Variants in NFIB observed in about 807,000 individuals in gnomAD.
NFIB encodes the protein nuclear factor I B, also known as nuclear factor 1 B-type.
Under a neutral mutation model 61.5 loss-of-function variants are expected in NFIB, and 11 were observed. That is an observed-to-expected ratio of 0.18 (90% CI 0.11 to 0.30). The LOEUF is 0.30. NFIB is among the 10% of genes least tolerant of loss of function. The pLI is 1.00. For synonymous variants in NFIB, 260 were observed against 216.5 expected, an observed-to-expected ratio of 1.20 and a Z score of -1.76; for missense variants, 471 against 608.9, an observed-to-expected ratio of 0.77 and a Z score of 2.38.
chr9:14,449,106 C>T, the NFIB span, among the ~76,000 whole-genome samples: 1 of 152,074 alleles, frequency 6.6e-6, no homozygotes, highest in Non-Finnish European at 1.5e-5. Context: ...ATTCCCAGAC[C>T]TTAAAGGGCA....
intron 1 of NFIB, among the ~76,000 whole-genome samples, chr9:14,334,332 A>C (rs988182729): frequency 3.3e-5 from 5 of 152,222 alleles, no homozygotes; most frequent in Non-Finnish European, 7.3e-5. Flanking sequence ...TACTCCCACC[A>C]GCAGTATATC....
intron 2 of NFIB, among the ~76,000 whole-genome samples, chr9:14,192,422 C>A (rs1237001493): frequency 6.6e-6 from 1 of 152,128 alleles, no homozygotes; most frequent in South Asian, 2.1e-4. Context: ...TCTCATCCCT[C>A]CACCCACCCC....
chr9:14,238,565 A>C (rs973097689), intron 2 of NFIB, among the ~76,000 whole-genome samples: 1 of 152,200 alleles, frequency 6.6e-6, no homozygotes, highest in South Asian at 2.1e-4. Flanking sequence ...CAAAGAAGTT[A>C]CAGAACAGCA....
At chr9:14,158,166 G>A (rs1288773197) in intron 3 of NFIB, among the ~76,000 whole-genome samples, 2 of 150,568 alleles carry the variant, frequency 1.3e-5, no homozygotes, top group Non-Finnish European at 3.0e-5. Context: ...CCTTTATCAT[G>A]ACTACAGCTC....
At chr9:14,526,315 C>T in the NFIB span, among the ~76,000 whole-genome samples, 2 of 152,162 alleles carry the variant, frequency 1.3e-5, no homozygotes, top group Admixed American at 1.3e-4. Flanking sequence ...TATGTTAAAT[C>T]TGTTCCATTT....
chr9:14,485,834 C>T, the NFIB span, among the ~76,000 whole-genome samples: 1 of 152,026 alleles, frequency 6.6e-6, no homozygotes, highest in Non-Finnish European at 1.5e-5. Flanking sequence ...GAGATCATGC[C>T]ACTGCACTCC....
the NFIB span, among the ~76,000 whole-genome samples, chr9:14,432,419 C>G: frequency 2.6e-5 from 4 of 152,246 alleles, no homozygotes; most frequent in Non-Finnish European, 5.9e-5. Context: ...ATGGTTCTCT[C>G]TAAATCAGTA....
At position 14,120,040 on chromosome 9, in the gene NFIB, C is replaced by A. The variant is rs2038722801; in HGVS notation, c.1245+400G>T. 6.6e-6 allele frequency among the ~76,000 whole-genome samples: 1 copy of A among 152,184 alleles called. No individual in the cohort carries two copies. The highest frequency in any genetic ancestry group is 1.5e-5 in the Non-Finnish European group (1 of 68,024). ...ATACCTAATAGTTGGTCTATAAATA[C>A]AACTGTAAGTTCTTTTGTGTGTGTT... On this transcript the variant is annotated intron_variant, in intron 8 of 10. Coordinates refer to ENST00000380953, the MANE Select transcript of NFIB (RefSeq NM_001190737.2). This position sits in a 1 kb window ranked among gnomAD's most constrained non-coding sequence, Gnocchi z 4.4.
chr9:14,436,729 A>G, the NFIB span, among the ~76,000 whole-genome samples: 1 of 152,192 alleles, frequency 6.6e-6, no homozygotes, highest in Non-Finnish European at 1.5e-5. Flanking sequence ...TGCTATATCA[A>G]TAGTGACATT....
intron 2 of NFIB, among the ~76,000 whole-genome samples, chr9:14,248,781 T>C (rs570121494): frequency 5.9e-5 from 9 of 152,308 alleles, no homozygotes; most frequent in African/African-American, 1.9e-4. Flanking sequence ...CAGGAACGTC[T>C]GCAGGGACTA....
chr9:14,395,699 C>T (rs1437729674), intron 1 of NFIB, among the ~76,000 whole-genome samples: 1 of 151,048 alleles, frequency 6.6e-6, no homozygotes, highest in Non-Finnish European at 1.5e-5. Context: ...CCTCATCCCT[C>T]CTCATCCCCC....
At chr9:14,143,582 G>A (rs2041978435) in intron 6 of NFIB, among the ~76,000 whole-genome samples, 1 of 152,068 alleles carries the variant, frequency 6.6e-6, no homozygotes, top group Non-Finnish European at 1.5e-5. Flanking sequence ...TAAATTTTAA[G>A]GATTTCTGCC....
chr9:14,312,926 C>T (rs1588280271), intron 1 of NFIB, among the ~76,000 whole-genome samples: 1 of 152,164 alleles, frequency 6.6e-6, no homozygotes, highest in Non-Finnish European at 1.5e-5. Flanking sequence ...GGTTTCAGAT[C>T]CCCAAATAAA....
chr9:14,277,804 T>C (rs1009025482), intron 2 of NFIB, among the ~76,000 whole-genome samples: 1 of 152,214 alleles, frequency 6.6e-6, no homozygotes, highest in African/African-American at 2.4e-5. Flanking sequence ...GAGTTCCCCA[T>C]TGTACTTGAA....
chr9:14,218,919 T>C (rs1039335724), intron 2 of NFIB, among the ~76,000 whole-genome samples: 2 of 152,188 alleles, frequency 1.3e-5, no homozygotes, highest in African/African-American at 2.4e-5. Context: ...AAGTACCACA[T>C]GGAGAAACAC....
intron 1 of NFIB, among the ~76,000 whole-genome samples, chr9:14,356,524 G>A (rs906235526): frequency 7.9e-5 from 12 of 152,034 alleles, no homozygotes; most frequent in African/African-American, 2.7e-4. Context: ...AGGCCCTGAG[G>A]GGCAGTGCAG....
At chr9:14,110,797 T>A (rs1033381335) in intron 10 of NFIB, among the ~76,000 whole-genome samples, 1 of 152,120 alleles carries the variant, frequency 6.6e-6, no homozygotes, top group African/African-American at 2.4e-5. Context: ...TTTACTAATA[T>A]ACATCTATAG....
intron 1 of NFIB, among the ~76,000 whole-genome samples, chr9:14,329,793 G>T (rs369099017): frequency 6.6e-6 from 1 of 151,462 alleles, no homozygotes; most frequent in Non-Finnish European, 1.5e-5. Context: ...GATTATAGGC[G>T]TGAGCCACCA....
chr9:14,189,688 A>G (rs1170069594), intron 2 of NFIB, among the ~76,000 whole-genome samples: 1 of 149,992 alleles, frequency 6.7e-6, no homozygotes, highest in African/African-American at 2.5e-5. Flanking sequence ...TTAGAGTGCA[A>G]CTCTTCTGCT....
Sources: allele counts gnomAD v4.1 joint callset (sites outside exome capture counted in the v4.1 genomes callset), GRCh38; gene constraint gnomAD v4.1.1; non-coding constraint Gnocchi (gnomAD v3.1); transcripts MANE v1.5; gene names NCBI Gene and HGNC (gene_info 2026-07-23, HGNC 2026-07-21).